Variants in ELL2 observed in about 807,000 individuals in gnomAD.
The protein encoded by ELL2 is RNA polymerase II elongation factor ELL2.
ELL2 carries 21 observed loss-of-function variants against 72.8 expected under a neutral mutation model. That is an observed-to-expected ratio of 0.29 (90% confidence interval 0.20 to 0.42). The LOEUF is 0.42. ELL2 is among the 10% of genes least tolerant of loss of function. ELL2 has a pLI of 1.00. For missense variants in ELL2, 568 were observed against 772.8 expected (o/e 0.73, Z 3.14); for synonymous variants, 266 against 283.2 (o/e 0.94, Z 0.61).
intron 5 of ELL2, among the ~76,000 whole-genome samples, chr5:95,903,379 C>T (rs986671054): frequency 2.0e-5 from 3 of 151,798 alleles, no homozygotes; most frequent in African/African-American, 7.3e-5. Context: ...TCACCATGCC[C>T]AGCTAATTTT....
chr5:95,926,979 A>C (rs1580512235), intron 2 of ELL2, among the ~76,000 whole-genome samples: 1 of 152,164 alleles, frequency 6.6e-6, no homozygotes, highest in Non-Finnish European at 1.5e-5. Context: ...CTTCTCTATT[A>C]ATATGAAATT....
At chr5:95,940,874 C>T (rs975625489) in intron 2 of ELL2, among the ~76,000 whole-genome samples, 8 of 152,052 alleles carry the variant, frequency 5.3e-5, no homozygotes, top group African/African-American at 9.7e-5. Context: ...GGTGGCCCTG[C>T]GTCTTCCCTG....
chr5:95,951,136 G>A (rs911088165), intron 1 of ELL2, among the ~76,000 whole-genome samples: 28 of 151,388 alleles, frequency 1.8e-4, no homozygotes, highest in Non-Finnish European at 3.4e-4. Context: ...TTGGGAGGCC[G>A]ACGTGGGTGG....
chr5:95,947,916 A>C (rs368272348), intron 1 of ELL2, among the ~76,000 whole-genome samples: 4 of 152,322 alleles, frequency 2.6e-5, no homozygotes, highest in East Asian at 1.9e-4. Context: ...GAAAGAACAT[A>C]AATATTTGTT....
At chr5:95,898,092 A>G (rs1376437585) in intron 8 of ELL2, 148 bp downstream of exon 8, 5 of 94,374 alleles carry the variant, frequency 5.3e-5, no homozygotes, top group African/African-American at 2.6e-4. Flanking sequence ...CTGTAAAATG[A>G]AAAAAAAAAA....
chr5:95,943,054 T>G lies in ELL2; in HGVS notation c.148-5A>C, dbSNP rs1561511850. On this transcript the variant is annotated splice_polypyrimidine_tract_variant and splice_region_variant and intron_variant, in intron 1 of 11. Transcript: ENST00000237853. Reference sequence around the variant, plus strand: ...AGGTCGAAAAGGAATTAAATTCTATTAAAAGAAACAAAAGAAACAAACAGG... The same window carrying G: ...AGGTCGAAAAGGAATTAAATTCTATGAAAAGAAACAAAAGAAACAAACAGG... The G allele has an allele frequency of 6.3e-7, 1 of 1,599,260 alleles. No homozygotes were observed. The highest frequency in any genetic ancestry group is 8.5e-7 in the Non-Finnish European group (1 of 1,172,578).
chr5:95,922,050 A>T (rs539033995), intron 2 of ELL2, among the ~76,000 whole-genome samples: 1 of 150,594 alleles, frequency 6.6e-6, no homozygotes, highest in Non-Finnish European at 1.5e-5. Flanking sequence ...AGACCATCCC[A>T]TCTGGTAGAC....
chr5:95,926,289 A>G (rs1445570735), intron 2 of ELL2, among the ~76,000 whole-genome samples: 2 of 152,158 alleles, frequency 1.3e-5, no homozygotes, highest in Admixed American at 1.3e-4. Context: ...TAAGTATTAG[A>G]GAAATCAATA....
chr5:95,912,328 C>T (rs1019384054), intron 4 of ELL2, among the ~76,000 whole-genome samples: 18 of 151,826 alleles, frequency 1.2e-4, no homozygotes, highest in Non-Finnish European at 2.4e-4. Context: ...CTAGTTATAT[C>T]GGGAAGGAAA....
At chr5:95,893,069 C>T (rs1489200451) in intron 9 of ELL2, among the ~76,000 whole-genome samples, 1 of 152,128 alleles carries the variant, frequency 6.6e-6, no homozygotes, top group Non-Finnish European at 1.5e-5. Flanking sequence ...ATATATTTAT[C>T]GTGCTTTCTC....
intron 1 of ELL2, among the ~76,000 whole-genome samples, chr5:95,953,531 A>G (rs1751497831): frequency 6.6e-6 from 1 of 152,240 alleles, no homozygotes; most frequent in South Asian, 2.1e-4. Flanking sequence ...TCTTATAAGA[A>G]AGTTCAAGCC....
At position 95,940,875 on chromosome 5, in the gene ELL2, G is replaced by A. The variant is rs189584587; in HGVS notation, c.195+2127C>T. On this transcript the variant is annotated intron_variant, in intron 2 of 11. Coordinates refer to ENST00000237853, the MANE Select transcript of ELL2 (RefSeq NM_012081.6). ...AAGACCCTCACATCGGTGGCCCTGC[G>A]TCTTCCCTGTGGGCTGTGCCAACCC... 1.1e-3 allele frequency among the ~76,000 whole-genome samples: 163 copies of A among 152,114 alleles called. No individual in the cohort carries two copies. In the East Asian group the frequency reaches 0.025, roughly 24 times the overall value.
chr5:95,907,178 C>T (rs1749392671), intron 4 of ELL2, among the ~76,000 whole-genome samples: 1 of 151,670 alleles, frequency 6.6e-6, no homozygotes, highest in Admixed American at 6.6e-5. Flanking sequence ...TGTCAGACCT[C>T]TCTAAGAACA....
chr5:95,928,048 T>A (rs3777182), intron 2 of ELL2, among the ~76,000 whole-genome samples: 44,269 of 151,144 alleles, frequency 0.29, 6,640 homozygotes, highest in East Asian at 0.4. Context: ...GGTGTCTGAG[T>A]GTGTGTTGTT....
At chr5:95,935,232 C>T (rs1024455696) in intron 2 of ELL2, among the ~76,000 whole-genome samples, 11 of 152,064 alleles carry the variant, frequency 7.2e-5, no homozygotes, top group Non-Finnish European at 1.3e-4. Context: ...GGCATCATAC[C>T]GTATGTATTC....
intron 1 of ELL2, among the ~76,000 whole-genome samples, chr5:95,953,363 C>T (rs1251919959): frequency 6.6e-6 from 1 of 152,200 alleles, no homozygotes; most frequent in African/African-American, 2.4e-5. Context: ...TCTTAAGATA[C>T]TCAGCTGACT....
chr5:95,942,603 G>A (rs1751009037), intron 2 of ELL2, among the ~76,000 whole-genome samples: 1 of 152,004 alleles, frequency 6.6e-6, no homozygotes, highest in Non-Finnish European at 1.5e-5. Flanking sequence ...ACTTAAAAAA[G>A]TGCACACACA....
chr5:95,899,532 A>G (rs899365865), intron 7 of ELL2, among the ~76,000 whole-genome samples: 1 of 152,168 alleles, frequency 6.6e-6, no homozygotes, highest in South Asian at 2.1e-4. Flanking sequence ...AATTAGGTGG[A>G]AGTACTTTAA....
In ELL2 at chr5:95,927,725, A is replaced by G. The variant is rs111290781; in HGVS notation, c.196-8180T>C. ...GACATACACACACACATATGTGTGTATATAGACATACACACACACATATGT... is the reference window on the plus strand; with the variant it reads ...GACATACACACACACATATGTGTGTGTATAGACATACACACACACATATGT... On this transcript the variant is annotated intron_variant, in intron 2 of 11. Coordinates refer to ENST00000237853, the MANE Select transcript of ELL2 (RefSeq NM_012081.6). Among the ~76,000 whole-genome samples, 13 of 83,200 alleles carry G rather than the reference A, an allele frequency of 1.6e-4. 2 individuals are homozygous for G. Among genetic ancestry groups the G allele is most frequent in the Non-Finnish European group, 2.4e-4 (11 of 45,822 alleles). The allele number at this position is 83,200 out of a possible 152,430, so 54.6% of individuals were successfully genotyped here.
Sources: allele counts gnomAD v4.1 joint callset (sites outside exome capture counted in the v4.1 genomes callset), GRCh38; gene constraint gnomAD v4.1.1; transcripts MANE v1.5; gene names NCBI Gene and HGNC (gene_info 2026-07-23, HGNC 2026-07-21).